Variants in ABLIM1 observed in about 807,000 individuals in gnomAD.
ABLIM1 encodes actin binding LIM protein 1.
Under a neutral mutation model 107.0 loss-of-function variants are expected in ABLIM1, and 40 were observed. The observed-to-expected ratio is 0.37, with a 90% CI of 0.29 to 0.49. The LOEUF (loss-of-function observed/expected upper bound fraction) is 0.49, where lower values mean the gene tolerates loss of function less well. Among genes scored for constraint, ABLIM1 ranks in the 20% least tolerant of loss-of-function variants. The pLI, the probability that ABLIM1 is intolerant of heterozygous loss-of-function variation, is 0.97. For synonymous variants in ABLIM1, 357 were observed against 357.3 expected, an observed-to-expected ratio of 1.00 and a Z score of 0.01; for missense variants, 857 against 1,008.5, an observed-to-expected ratio of 0.85 and a Z score of 2.04.
chr10:114,501,237 G>A (rs894774892), intron 6 of ABLIM1, among the ~76,000 whole-genome samples: 1 of 152,168 alleles, frequency 6.6e-6, no homozygotes, highest in African/African-American at 2.4e-5. Context: ...AAAACTTAGA[G>A]AGATCAGGAA....
At chr10:114,439,792 A>G (rs1240589368) in intron 20 of ABLIM1, 1 of 498,112 alleles carries the variant, frequency 2.0e-6, no homozygotes, top group Non-Finnish European at 3.6e-6. Flanking sequence ...GTATATGAGC[A>G]GACCCTTGAT....
intron 6 of ABLIM1, among the ~76,000 whole-genome samples, chr10:114,532,334 G>A (rs1394591933): frequency 2.6e-5 from 4 of 152,130 alleles, no homozygotes; most frequent in Non-Finnish European, 4.4e-5. Flanking sequence ...GTTCATTTCC[G>A]CTGGGCTGGA....
intron 1 of ABLIM1, among the ~76,000 whole-genome samples, chr10:114,706,577 T>C (rs565535221): frequency 4.6e-5 from 7 of 152,292 alleles, no homozygotes; most frequent in African/African-American, 1.4e-4. Flanking sequence ...AGGTATGATT[T>C]AAGAGTCTGA....
At chr10:114,699,227 G>T (rs775447228) in intron 1 of ABLIM1, among the ~76,000 whole-genome samples, 4 of 151,780 alleles carry the variant, frequency 2.6e-5, no homozygotes, top group Admixed American at 1.3e-4. Flanking sequence ...AAAAAAGGAG[G>T]TTGTTGGAAA....
At chr10:114,513,894 A>C (rs1415728353) in intron 6 of ABLIM1, among the ~76,000 whole-genome samples, 1 of 152,160 alleles carries the variant, frequency 6.6e-6, no homozygotes, top group African/African-American at 2.4e-5. Flanking sequence ...TCATACTGCA[A>C]ATTTCCAAGA....
At chr10:114,796,467 A>G in the ABLIM1 span, among the ~76,000 whole-genome samples, 2 of 152,184 alleles carry the variant, frequency 1.3e-5, no homozygotes, top group African/African-American at 2.4e-5. Context: ...AAGACCCAAG[A>G]GCAAGAGGGC....
chr10:114,616,191 A>T lies in ABLIM1; in HGVS notation c.245-14230T>A, dbSNP rs146091459. On this transcript the variant is annotated intron_variant, in intron 1 of 22. Coordinates refer to ENST00000533213, the MANE Select transcript of ABLIM1 (RefSeq NM_002313.7). Reference sequence around the variant, plus strand: ...CTATAAGAAAAAAAAAGTTTAAAAAACTCAAAGAAACAAATATGCTTATAA... The same window carrying T: ...CTATAAGAAAAAAAAAGTTTAAAAATCTCAAAGAAACAAATATGCTTATAA... 7.2e-5 allele frequency among the ~76,000 whole-genome samples: 11 copies of T among 152,112 alleles called. No homozygotes were observed. In the East Asian group the frequency reaches 1.7e-3, roughly 24 times the overall value.
At chr10:114,632,238 C>A in intron 1 of ABLIM1, 1 of 985,418 alleles carries the variant, frequency 1.0e-6, no homozygotes, top group Non-Finnish European at 1.2e-6. Flanking sequence ...ATTCTACTGT[C>A]CTAATCTCTG....
intron 11 of ABLIM1, among the ~76,000 whole-genome samples, chr10:114,467,069 G>A (rs1027936197): frequency 6.6e-6 from 1 of 152,140 alleles, no homozygotes; most frequent in African/African-American, 2.4e-5. Flanking sequence ...TGAGACAGGA[G>A]AATCACTAGA....
At chr10:114,791,658 G>A in the ABLIM1 span, among the ~76,000 whole-genome samples, 1 of 150,670 alleles carries the variant, frequency 6.6e-6, no homozygotes, top group South Asian at 2.1e-4. Flanking sequence ...ACAAAAACAA[G>A]AAAACAAAAC....
At chr10:114,769,415 AAAAGAAGGAAAGAAAGAAAGAAAG>A (rs1313251580), upstream of ABLIM1, among the ~76,000 whole-genome samples, 609 of 133,678 alleles carry the variant, frequency 4.6e-3, 2 homozygotes, top group East Asian at 0.018. Context: ...AGAAAGAAAG[AAAAGAAGGAAAGAAAGAAAGAAAG>A]AAAGAAAGAA....
At chr10:114,582,206 T>A (rs964228878) in intron 2 of ABLIM1, among the ~76,000 whole-genome samples, 5 of 152,054 alleles carry the variant, frequency 3.3e-5, no homozygotes, top group Non-Finnish European at 7.4e-5. Context: ...CCAGTATAAT[T>A]TCTACACACC....
intron 6 of ABLIM1, among the ~76,000 whole-genome samples, chr10:114,492,961 T>C (rs2059203752): frequency 6.6e-6 from 1 of 152,228 alleles, no homozygotes; most frequent in African/African-American, 2.4e-5. Context: ...ATTGAAGTTA[T>C]TTAAATTAGA....
At chr10:114,583,873 A>T (rs939705245) in intron 2 of ABLIM1, among the ~76,000 whole-genome samples, 1 of 152,126 alleles carries the variant, frequency 6.6e-6, no homozygotes, top group African/African-American at 2.4e-5. Context: ...AGAAACAGAA[A>T]ACCAAATACT....
At chr10:114,528,348 T>A (rs1299237433) in intron 6 of ABLIM1, among the ~76,000 whole-genome samples, 1 of 152,168 alleles carries the variant, frequency 6.6e-6, no homozygotes, top group Non-Finnish European at 1.5e-5. Context: ...GATCAGGAAA[T>A]GAAAAGACCC....
At chr10:114,561,997 C>T (rs2069779244) in intron 4 of ABLIM1, among the ~76,000 whole-genome samples, 2 of 152,202 alleles carry the variant, frequency 1.3e-5, no homozygotes, top group Admixed American at 1.3e-4. Context: ...CTGAATATTA[C>T]TGTTCCTCTT....
intron 8 of ABLIM1, among the ~76,000 whole-genome samples, chr10:114,486,254 A>G (rs1301897016): frequency 1.3e-5 from 2 of 152,202 alleles, no homozygotes; most frequent in East Asian, 3.8e-4. Context: ...ATCCTGATAC[A>G]GAAAAGACCC....
intron 1 of ABLIM1, among the ~76,000 whole-genome samples, chr10:114,747,842 C>A (rs962570334): frequency 2.0e-4 from 31 of 152,288 alleles, no homozygotes; most frequent in African/African-American, 7.2e-4. Flanking sequence ...GAGTTCCAGA[C>A]CAGCCTAGCC....
intron 1 of ABLIM1, among the ~76,000 whole-genome samples, chr10:114,618,321 C>G (rs11196807): frequency 6.6e-6 from 1 of 152,012 alleles, no homozygotes; most frequent in Admixed American, 6.5e-5. Context: ...ACTTGCCTAG[C>G]TCCTGATGAA....
Sources: gnomAD v4.1 joint callset for allele counts (sites outside exome capture counted in the v4.1 genomes callset) on GRCh38, gnomAD v4.1.1 for gene constraint, MANE v1.5 for transcripts, NCBI Gene and HGNC (gene_info 2026-07-23, HGNC 2026-07-21) for gene names.